Variants in MAF observed in about 807,000 individuals in gnomAD.
MAF encodes MAF bZIP transcription factor.
MAF carries 10 observed loss-of-function variants against 22.0 expected under a neutral mutation model. The observed-to-expected ratio is 0.45, with a 90% CI of 0.28 to 0.77. The LOEUF is 0.77. Ranked by LOEUF, MAF falls within the 30% of genes least tolerant of loss-of-function variation. The pLI is 0.12. For synonymous variants in MAF, 337 were observed against 255.8 expected (o/e 1.32, Z -3.03); for missense variants, 544 against 548.4 (o/e 0.99, Z 0.08).
the MAF span, among the ~76,000 whole-genome samples, chr16:79,388,333 A>G: frequency 1.3e-4 from 19 of 151,506 alleles, no homozygotes; most frequent in Non-Finnish European, 2.9e-5. Context: ...AGTAAAACTA[A>G]ATCATATACA....
At chr16:79,229,382 G>A in the MAF span, 2 of 151,778 alleles carry the variant, frequency 1.3e-5, no homozygotes, top group African/African-American at 4.8e-5. Context: ...TCTCTTTGAT[G>A]GTCTTTTAAA....
the MAF span, among the ~76,000 whole-genome samples, chr16:79,282,952 TGACAAGTTAGGAAGTC>T: frequency 6.6e-6 from 1 of 152,158 alleles, no homozygotes; most frequent in African/African-American, 2.4e-5. Context: ...GCAGCAAAAA[TGACAAGTTAGGAAGTC>T]ATAAAGCTTT....
chr16:79,469,069 T>C, the MAF span, among the ~76,000 whole-genome samples: 1 of 152,256 alleles, frequency 6.6e-6, no homozygotes, highest in Middle Eastern at 3.4e-3. Flanking sequence ...CAATCATGTG[T>C]CCCAAGTGCC....
chr16:79,339,133 C>T, the MAF span, among the ~76,000 whole-genome samples: 1 of 151,860 alleles, frequency 6.6e-6, no homozygotes, highest in Admixed American at 6.6e-5. Context: ...GCAGTGGCAC[C>T]ATCTCGGCTC....
the MAF span, among the ~76,000 whole-genome samples, chr16:79,473,911 A>T: frequency 6.6e-6 from 1 of 152,206 alleles, no homozygotes; most frequent in African/African-American, 2.4e-5. Context: ...TCTTCTCATA[A>T]CGTCTCCAGG....
At chr16:79,357,138 C>T in the MAF span, among the ~76,000 whole-genome samples, 1 of 152,112 alleles carries the variant, frequency 6.6e-6, no homozygotes, top group Non-Finnish European at 1.5e-5. Context: ...CGCCTACAGT[C>T]CCAGCTATTT....
the MAF span, among the ~76,000 whole-genome samples, chr16:79,368,048 G>A: frequency 6.6e-6 from 1 of 152,192 alleles, no homozygotes; most frequent in Non-Finnish European, 1.5e-5. Context: ...ACAGCTCCCT[G>A]AAGGCCTGCT....
chr16:79,227,031 T>G, the MAF span, among the ~76,000 whole-genome samples: 1 of 151,944 alleles, frequency 6.6e-6, no homozygotes, highest in South Asian at 2.1e-4. Context: ...TAAAAGCAGG[T>G]GGATTATTTT....
At chr16:79,362,845 G>C in the MAF span, among the ~76,000 whole-genome samples, 1 of 152,258 alleles carries the variant, frequency 6.6e-6, no homozygotes, top group Non-Finnish European at 1.5e-5. Flanking sequence ...TTACAAAAGA[G>C]AATAGTAAGA....
the MAF span, among the ~76,000 whole-genome samples, chr16:79,533,693 C>T: frequency 0.013 from 2,044 of 152,242 alleles, 14 homozygotes; most frequent in Non-Finnish European, 0.021. Context: ...GAGATCCATT[C>T]CTGACTTCCC....
chr16:79,318,469 C>A, the MAF span, among the ~76,000 whole-genome samples: 1 of 152,168 alleles, frequency 6.6e-6, no homozygotes, highest in Non-Finnish European at 1.5e-5. Context: ...GTGACAGCCA[C>A]AAACCTGCCC....
the MAF span, among the ~76,000 whole-genome samples, chr16:79,418,465 C>T: frequency 1.3e-5 from 2 of 152,032 alleles, no homozygotes; most frequent in East Asian, 3.9e-4. Flanking sequence ...CACAAAATTT[C>T]CTAATTAGTG....
the MAF span, among the ~76,000 whole-genome samples, chr16:79,252,687 A>T: frequency 1.1e-4 from 17 of 152,142 alleles, no homozygotes; most frequent in Admixed American, 9.8e-4. Context: ...ACAGGGTTTC[A>T]CCATGTTGGC....
chr16:79,533,804 G>T, the MAF span, among the ~76,000 whole-genome samples: 1 of 152,146 alleles, frequency 6.6e-6, no homozygotes, highest in Non-Finnish European at 1.5e-5. Flanking sequence ...GTGGAGAGAT[G>T]AATTTTCTTA....
At chr16:79,561,794 G>C in the MAF span, among the ~76,000 whole-genome samples, 1 of 152,200 alleles carries the variant, frequency 6.6e-6, no homozygotes, top group Non-Finnish European at 1.5e-5. Context: ...ACTGAGAAGA[G>C]AGGAGACGGT....
the MAF span, among the ~76,000 whole-genome samples, chr16:79,552,965 A>G: frequency 6.6e-6 from 1 of 152,206 alleles, no homozygotes; most frequent in Non-Finnish European, 1.5e-5. Context: ...AGGGCCTCAC[A>G]CTTCCCTGAG....
chr16:79,303,253 T>C, the MAF span, among the ~76,000 whole-genome samples: 1 of 152,296 alleles, frequency 6.6e-6, no homozygotes, highest in African/African-American at 2.4e-5. Flanking sequence ...TGTACTGTAT[T>C]AAAGGGAAAA....
the MAF span, among the ~76,000 whole-genome samples, chr16:79,254,951 G>A: frequency 2.0e-4 from 30 of 152,104 alleles, no homozygotes; most frequent in Non-Finnish European, 3.7e-4. Flanking sequence ...GAATCCCCAG[G>A]TCAACGTATT....
At chr16:79,398,906 G>A in the MAF span, among the ~76,000 whole-genome samples, 45 of 152,306 alleles carry the variant, frequency 3.0e-4, no homozygotes, top group South Asian at 9.1e-3. Flanking sequence ...CTAGCCCCAT[G>A]GCTCCCTGGA....
Sources: allele counts gnomAD v4.1 joint callset (sites outside exome capture counted in the v4.1 genomes callset), GRCh38; gene constraint gnomAD v4.1.1; transcripts MANE v1.5; gene names NCBI Gene and HGNC (gene_info 2026-07-23, HGNC 2026-07-21).